Variants in RALGAPA1 observed in about 807,000 individuals in gnomAD.
RALGAPA1 encodes the protein Ral GTPase activating protein catalytic subunit alpha 1.
In RALGAPA1, 52 loss-of-function variants were observed where a neutral mutation model predicts 269.6. The ratio of observed to expected loss-of-function variants is 0.19; its 90% CI spans 0.15 to 0.24. RALGAPA1 has a LOEUF of 0.24. Ranked by LOEUF, RALGAPA1 falls within the 10% of genes least tolerant of loss-of-function variation. The pLI is 1.00. For missense variants in RALGAPA1, 1,917 were observed against 3,013.9 expected (o/e 0.64, Z 8.52); for synonymous variants, 817 against 1,008.3 (o/e 0.81, Z 3.60).
At chr14:35,650,276 T>C (rs186157370) in intron 31 of RALGAPA1, among the ~76,000 whole-genome samples, 12 of 152,074 alleles carry the variant, frequency 7.9e-5, no homozygotes, top group East Asian at 7.7e-4. Context: ...TCCCAGTTAC[T>C]TGAATGGCTG....
At chr14:35,613,291 A>G (rs925240671) in intron 35 of RALGAPA1, among the ~76,000 whole-genome samples, 3 of 152,072 alleles carry the variant, frequency 2.0e-5, no homozygotes, top group South Asian at 2.1e-4. Context: ...TATGTTGGCC[A>G]GGCTGGTCTT....
chr14:35,748,926 T>C, intron 9 of RALGAPA1, 102 bp from the exon 10 acceptor site: 1 of 1,410,426 alleles, frequency 7.1e-7, no homozygotes, highest in Non-Finnish European at 9.2e-7. Flanking sequence ...CCAAAACATT[T>C]CCCAAGTAAT....
rs139282624 is a variant in RALGAPA1 at position 35,757,090 on chromosome 14, T to G, written c.548-182A>C. Among the ~76,000 whole-genome samples, 118 of 149,552 alleles carry G rather than the reference T, an allele frequency of 7.9e-4. 1 individual carries two copies. The East Asian group carries it at 0.02, about 25-fold the overall frequency. ...TGATAGTTGATCACAAAAATAAATTTTATTTATTTATTTATTATTATTATT... is the reference window on the plus strand; with the variant it reads ...TGATAGTTGATCACAAAAATAAATTGTATTTATTTATTTATTATTATTATT... On this transcript the variant is annotated intron_variant, in intron 6 of 41. Coordinates refer to ENST00000680220, the MANE Select transcript of RALGAPA1 (RefSeq NM_001346249.2).
chr14:35,780,036 GGTGGAGGTTGCA>G (rs1192447241), intron 1 of RALGAPA1, among the ~76,000 whole-genome samples: 3 of 152,042 alleles, frequency 2.0e-5, no homozygotes, highest in Non-Finnish European at 4.4e-5. Flanking sequence ...GAACCCAGGA[GGTGGAGGTTGCA>G]GTGAGTCAAG....
chr14:35,603,375 C>T (rs2059407409), intron 36 of RALGAPA1, among the ~76,000 whole-genome samples: 2 of 152,112 alleles, frequency 1.3e-5, no homozygotes, highest in Non-Finnish European at 2.9e-5. Context: ...TTCACATCAT[C>T]TCTGTTGGGT....
intron 35 of RALGAPA1, among the ~76,000 whole-genome samples, chr14:35,620,968 A>G (rs1480278652): frequency 2.6e-5 from 4 of 152,204 alleles, no homozygotes; most frequent in South Asian, 2.1e-4. Flanking sequence ...TGCCATCCCC[A>G]TCAAGCTACC....
chr14:35,628,214 C>G (rs1484513242), intron 33 of RALGAPA1, among the ~76,000 whole-genome samples: 3 of 152,048 alleles, frequency 2.0e-5, no homozygotes, highest in Non-Finnish European at 2.9e-5. Context: ...TTTGAAGAAT[C>G]AGAAGTATTA....
At chr14:35,753,209 A>G (rs2072884541) in intron 7 of RALGAPA1, among the ~76,000 whole-genome samples, 1 of 152,228 alleles carries the variant, frequency 6.6e-6, no homozygotes, top group South Asian at 2.1e-4. Flanking sequence ...ATTCAGCTTG[A>G]AGGAACTTCC....
intron 39 of RALGAPA1, among the ~76,000 whole-genome samples, chr14:35,550,513 A>C (rs1208065260): frequency 1.3e-5 from 2 of 152,090 alleles, no homozygotes; most frequent in African/African-American, 2.4e-5. Context: ...GCCAAGACCC[A>C]AAAAAATAAT....
chr14:35,711,907 A>G (rs2068379140), intron 16 of RALGAPA1, among the ~76,000 whole-genome samples: 1 of 152,134 alleles, frequency 6.6e-6, no homozygotes, highest in Admixed American at 6.5e-5. Context: ...TAATCACCTA[A>G]TATGTTTTCG....
intron 36 of RALGAPA1, among the ~76,000 whole-genome samples, chr14:35,596,224 C>T (rs1215258997): frequency 6.6e-6 from 1 of 152,038 alleles, no homozygotes; most frequent in Non-Finnish European, 1.5e-5. Flanking sequence ...GTACTTATTA[C>T]AGTCCACAAC....
At chr14:35,618,731 A>C (rs949013955) in intron 35 of RALGAPA1, among the ~76,000 whole-genome samples, 5 of 152,172 alleles carry the variant, frequency 3.3e-5, no homozygotes, top group East Asian at 3.8e-4. Context: ...AAAATCAATA[A>C]GAGAATTCAC....
At chr14:35,685,970 T>C (rs1228379851) in intron 19 of RALGAPA1, among the ~76,000 whole-genome samples, 1 of 152,198 alleles carries the variant, frequency 6.6e-6, no homozygotes, top group Admixed American at 6.5e-5. Context: ...TCTGCTTTCA[T>C]GTTGCCATAC....
chr14:35,628,924 G>T (rs979668695), intron 33 of RALGAPA1, among the ~76,000 whole-genome samples: 2 of 151,562 alleles, frequency 1.3e-5, no homozygotes, highest in African/African-American at 2.4e-5. Flanking sequence ...AAAACTCAAA[G>T]AATATAGTAG....
intron 12 of RALGAPA1, 25 bp downstream of exon 12, chr14:35,738,488 T>A (rs777777806): frequency 1.3e-6 from 2 of 1,533,884 alleles, no homozygotes; most frequent in African/African-American, 1.4e-5. Context: ...ATTTTATTTT[T>A]AAAAATAGCC....
intron 39 of RALGAPA1, among the ~76,000 whole-genome samples, chr14:35,563,486 T>C (rs995224661): frequency 2.0e-5 from 3 of 151,322 alleles, no homozygotes; most frequent in African/African-American, 7.3e-5. Flanking sequence ...TGGGGAGGAG[T>C]ACAGGTATAT....
At chr14:35,648,404 T>G (rs1427575535) in intron 31 of RALGAPA1, among the ~76,000 whole-genome samples, 1 of 148,344 alleles carries the variant, frequency 6.7e-6, no homozygotes, top group Non-Finnish European at 1.5e-5. Context: ...AGGCGGAGAT[T>G]GCAGTGAGCC....
In RALGAPA1 at chr14:35,634,595, T is replaced by C. The variant is rs2061555436; in HGVS notation, c.5974A>G (p.Lys1992Glu). The C allele has an allele frequency of 1.9e-6, 3 of 1,612,186 alleles. No homozygotes were observed. Among genetic ancestry groups the C allele is most frequent in the Admixed American group, 1.7e-5 (1 of 59,864 alleles). Reference sequence around the variant, plus strand: ...TTACCTTCTGTTACTGGCTGGAGTTTAGAAGATCGTTCTGAGTCAGGAGAG... The same window carrying C: ...TTACCTTCTGTTACTGGCTGGAGTTCAGAAGATCGTTCTGAGTCAGGAGAG... ...LHSPDSERSS[K>E]LQPVTEVKTQ... is the part of the protein sequence containing the mutation. Residue 1992 changes from lysine to glutamate, a missense_variant, in exon 33 of 42, where the codon AAA becomes GAA. Transcript: ENST00000680220.
intron 18 of RALGAPA1, among the ~76,000 whole-genome samples, chr14:35,687,149 T>A (rs1477562048): frequency 3.9e-5 from 6 of 152,198 alleles, no homozygotes. Context: ...CTATCCACTA[T>A]AAAATCTAAT....
Sources: allele counts gnomAD v4.1 joint callset (sites outside exome capture counted in the v4.1 genomes callset), GRCh38; gene constraint gnomAD v4.1.1; transcripts MANE v1.5; gene names NCBI Gene and HGNC (gene_info 2026-07-23, HGNC 2026-07-21).